Variants in UTRN observed in about 807,000 individuals in gnomAD.
UTRN encodes dystrophin-related protein 1.
UTRN carries 283 observed loss-of-function variants against 463.9 expected under a neutral mutation model. The observed-to-expected ratio is 0.61, with a 90% confidence interval of 0.55 to 0.67. The LOEUF (loss-of-function observed/expected upper bound fraction) is 0.67, where lower values mean the gene tolerates loss of function less well. Among genes scored for constraint, UTRN ranks in the 30% least tolerant of loss-of-function variants. UTRN has a pLI of 0.00. For missense variants in UTRN, 3,922 were observed against 4,084.3 expected (o/e 0.96, Z 1.08); for synonymous variants, 1,442 against 1,431.5 (o/e 1.01, Z -0.17).
intron 2 of UTRN, among the ~76,000 whole-genome samples, chr6:144,381,194 C>A (rs1038015095): frequency 6.6e-6 from 1 of 152,046 alleles, no homozygotes; most frequent in South Asian, 2.1e-4. Flanking sequence ...CTCCAATAGA[C>A]CCCAGTGTAT....
At chr6:144,842,552 G>T (rs1781677816) in intron 73 of UTRN, among the ~76,000 whole-genome samples, 1 of 152,074 alleles carries the variant, frequency 6.6e-6, no homozygotes, top group South Asian at 2.1e-4. Context: ...TCATGCCACT[G>T]CACTTCAGCC....
chr6:144,494,973 T>C (rs1192944465), intron 33 of UTRN, among the ~76,000 whole-genome samples: 33 of 152,292 alleles, frequency 2.2e-4, no homozygotes, highest in Non-Finnish European at 2.9e-5. Context: ...CTGATTGGTG[T>C]GTTTACAAAC....
intron 65 of UTRN, among the ~76,000 whole-genome samples, chr6:144,817,641 G>A (rs551380542): frequency 1.4e-4 from 21 of 151,684 alleles, no homozygotes; most frequent in African/African-American, 4.4e-4. Context: ...TTAACATTTC[G>A]GTGCAAAAAT....
intron 74 of UTRN, among the ~76,000 whole-genome samples, chr6:144,849,998 G>T (rs1368950383): frequency 6.6e-6 from 1 of 152,162 alleles, no homozygotes; most frequent in East Asian, 1.9e-4. Flanking sequence ...AGGCTGCCTG[G>T]CTGAGATATC....
intron 2 of UTRN, among the ~76,000 whole-genome samples, chr6:144,393,043 C>T (rs530626317): frequency 2.0e-4 from 26 of 131,354 alleles, no homozygotes; most frequent in African/African-American, 6.1e-4. Flanking sequence ...ATCCATCCAT[C>T]CATCCATTCA....
At chr6:144,690,319 G>T (rs1293888318) in intron 52 of UTRN, among the ~76,000 whole-genome samples, 8 of 151,516 alleles carry the variant, frequency 5.3e-5, no homozygotes, top group Non-Finnish European at 1.2e-4. Context: ...TGCAAATGAG[G>T]GGGGTGTAGC....
At chr6:144,715,243 T>TA (rs1271634004) in intron 53 of UTRN, among the ~76,000 whole-genome samples, 1 of 152,182 alleles carries the variant, frequency 6.6e-6, no homozygotes, top group African/African-American at 2.4e-5. Flanking sequence ...AGGTAACAAA[T>TA]AATAATCACC....
intron 34 of UTRN, among the ~76,000 whole-genome samples, chr6:144,508,667 C>T (rs933856067): frequency 3.3e-5 from 5 of 152,200 alleles, no homozygotes; most frequent in Non-Finnish European, 7.3e-5. Context: ...TGGAGCTGTT[C>T]CTGTTTGGCC....
intron 58 of UTRN, among the ~76,000 whole-genome samples, chr6:144,767,735 C>G (rs1266836499): frequency 6.6e-6 from 1 of 152,154 alleles, no homozygotes; most frequent in East Asian, 1.9e-4. Flanking sequence ...TTTTACTTTG[C>G]ACAGCAAAGA....
intron 45 of UTRN, 40 bp from the exon 46 acceptor site, chr6:144,542,755 A>C (rs1249804835): frequency 1.3e-6 from 2 of 1,580,018 alleles, no homozygotes; most frequent in Non-Finnish European, 1.7e-6. Flanking sequence ...ATCTTTATTT[A>C]CGTAGTATTC....
rs151188072 is a variant in UTRN, at chr6:144,400,427, T to C, written c.80-2696T>C. Among the ~76,000 whole-genome samples, 498 of 152,286 alleles carry C rather than the reference T, an allele frequency of 3.3e-3. 1 individual carries two copies. Among genetic ancestry groups the C allele is most frequent in the African/African-American group, 0.01 (427 of 41,562 alleles). On this transcript the variant is annotated intron_variant, in intron 2 of 74. Transcript: ENST00000367545. Reference sequence around the variant, plus strand: ...TAGCATGACGGAGTTTTAGTTGTCCTGTTACTCGTCTGCTATTTTTACGTG... The same window carrying C: ...TAGCATGACGGAGTTTTAGTTGTCCCGTTACTCGTCTGCTATTTTTACGTG...
At chr6:144,457,747 G>C (rs1431919965) in intron 19 of UTRN, among the ~76,000 whole-genome samples, 1 of 152,166 alleles carries the variant, frequency 6.6e-6, no homozygotes, top group African/African-American at 2.4e-5. Flanking sequence ...AATTTTCAAA[G>C]TTGCATTGTC....
chr6:144,676,296 T>C (rs918920458), intron 51 of UTRN, among the ~76,000 whole-genome samples: 3 of 152,132 alleles, frequency 2.0e-5, no homozygotes, highest in Non-Finnish European at 4.4e-5. Context: ...CAAATATATG[T>C]TTTTCGTGCT....
chr6:144,497,022 C>T (rs1172566473), intron 33 of UTRN, among the ~76,000 whole-genome samples: 3 of 152,172 alleles, frequency 2.0e-5, no homozygotes, highest in Non-Finnish European at 2.9e-5. Context: ...CTGCCAATGT[C>T]ATAGAGTTTG....
At chr6:144,608,711 T>C (rs1255435863) in intron 51 of UTRN, among the ~76,000 whole-genome samples, 1 of 152,106 alleles carries the variant, frequency 6.6e-6, no homozygotes, top group Non-Finnish European at 1.5e-5. Context: ...GTGAAGGACA[T>C]GAAAAAGTTC....
chr6:144,303,569 C>G (rs1805482472), intron 2 of UTRN, among the ~76,000 whole-genome samples: 1 of 152,136 alleles, frequency 6.6e-6, no homozygotes, highest in Non-Finnish European at 1.5e-5. Flanking sequence ...ACCTCTTGGT[C>G]AGTTTATATG....
chr6:144,326,237 T>G (rs916158451), intron 2 of UTRN, among the ~76,000 whole-genome samples: 1 of 151,872 alleles, frequency 6.6e-6, no homozygotes, highest in Admixed American at 6.5e-5. Context: ...TTATTGATAG[T>G]ACAGAAAATG....
intron 53 of UTRN, among the ~76,000 whole-genome samples, chr6:144,713,784 G>A (rs1786036139): frequency 6.6e-6 from 1 of 151,498 alleles, no homozygotes; most frequent in African/African-American, 2.4e-5. Flanking sequence ...GTCAGGCATA[G>A]CGGCACATGC....
intron 3 of UTRN, among the ~76,000 whole-genome samples, chr6:144,411,601 G>A (rs1783903835): frequency 6.6e-6 from 1 of 152,138 alleles, no homozygotes; most frequent in African/African-American, 2.4e-5. Context: ...TGTATGACTT[G>A]TGATTCCCTG....
Sources: allele counts gnomAD v4.1 joint callset (sites outside exome capture counted in the v4.1 genomes callset), GRCh38; gene constraint gnomAD v4.1.1; transcripts MANE v1.5; gene names NCBI Gene and HGNC (gene_info 2026-07-23, HGNC 2026-07-21).